LRMDA: variants seen among roughly 807,000 people sequenced by gnomAD.
LRMDA encodes leucine-rich melanocyte differentiation-associated protein.
In LRMDA, 18 loss-of-function variants were observed where a neutral mutation model predicts 29.8. The observed-to-expected ratio is 0.60, with a 90% CI of 0.42 to 0.90. The LOEUF (loss-of-function observed/expected upper bound fraction) is 0.90, where lower values mean the gene tolerates loss of function less well. LRMDA is among the 40% of genes least tolerant of loss of function. LRMDA has a pLI of 0.00. For synonymous variants in LRMDA, 125 were observed against 109.4 expected (o/e 1.14, Z -0.89); for missense variants, 273 against 273.9 (o/e 1.00, Z 0.02).
At chr10:75,716,674 G>C (rs1312600230) in intron 2 of LRMDA, among the ~76,000 whole-genome samples, 1 of 152,140 alleles carries the variant, frequency 6.6e-6, no homozygotes, top group Non-Finnish European at 1.5e-5. Flanking sequence ...GGGTTCGATG[G>C]TGCCACTTGG....
chr10:76,260,303 A>G (rs1210768263), intron 5 of LRMDA, among the ~76,000 whole-genome samples: 2 of 151,838 alleles, frequency 1.3e-5, no homozygotes, highest in Non-Finnish European at 2.9e-5. Flanking sequence ...CATTTTTTGC[A>G]TGTTTTCATG....
At chr10:75,863,546 A>C (rs1165962869) in intron 2 of LRMDA, among the ~76,000 whole-genome samples, 1 of 152,204 alleles carries the variant, frequency 6.6e-6, no homozygotes, top group Non-Finnish European at 1.5e-5. Flanking sequence ...GGCCTAGGTC[A>C]AGGTATTTAC....
At chr10:76,055,794 G>T (rs1848604971) in intron 4 of LRMDA, among the ~76,000 whole-genome samples, 1 of 152,238 alleles carries the variant, frequency 6.6e-6, no homozygotes, top group Non-Finnish European at 1.5e-5. Flanking sequence ...CAGGCACTGG[G>T]GAACGTGGTG....
At chr10:76,142,562 A>C (rs931267513) in intron 5 of LRMDA, among the ~76,000 whole-genome samples, 1 of 151,652 alleles carries the variant, frequency 6.6e-6, no homozygotes, top group Non-Finnish European at 1.5e-5. Context: ...ACATTGTGTT[A>C]CTAAACTTCA....
intron 2 of LRMDA, among the ~76,000 whole-genome samples, chr10:75,707,260 A>G (rs1842380836): frequency 6.6e-6 from 1 of 152,126 alleles, no homozygotes; most frequent in African/African-American, 2.4e-5. Flanking sequence ...AGATGGGGAG[A>G]AAAGAGAATG....
intron 5 of LRMDA, among the ~76,000 whole-genome samples, chr10:76,194,427 A>G (rs1247117118): frequency 6.6e-6 from 1 of 152,184 alleles, no homozygotes; most frequent in Non-Finnish European, 1.5e-5. Context: ...ATCCGGGTAC[A>G]CAAGGTAGGA....
intron 2 of LRMDA, among the ~76,000 whole-genome samples, chr10:75,798,637 T>G (rs138824525): frequency 1.3e-3 from 194 of 152,284 alleles, no homozygotes; most frequent in African/African-American, 4.4e-3. Context: ...TTGCGCTGCA[T>G]CCATGGATTA....
At chr10:76,152,988 C>A (rs1850473162) in intron 5 of LRMDA, among the ~76,000 whole-genome samples, 1 of 151,958 alleles carries the variant, frequency 6.6e-6, no homozygotes, top group African/African-American at 2.4e-5. Flanking sequence ...TTATAGGCAT[C>A]CGCCACCACG....
At chr10:75,848,036 T>A (rs1844670694) in intron 2 of LRMDA, among the ~76,000 whole-genome samples, 1 of 152,210 alleles carries the variant, frequency 6.6e-6, no homozygotes, top group South Asian at 2.1e-4. Flanking sequence ...AGAATTACCT[T>A]ATGATCTAGC....
intron 2 of LRMDA, among the ~76,000 whole-genome samples, chr10:75,881,403 C>T (rs1363662170): frequency 2.0e-5 from 3 of 152,118 alleles, no homozygotes; most frequent in Non-Finnish European, 4.4e-5. Flanking sequence ...ACGCTGACTT[C>T]CTAGAACTGA....
chr10:76,551,941 G>T (rs1322806895), intron 6 of LRMDA, among the ~76,000 whole-genome samples: 2 of 152,116 alleles, frequency 1.3e-5, no homozygotes, highest in Non-Finnish European at 2.9e-5. Context: ...GGAGTTCTGT[G>T]GGGGAACCCT....
chr10:75,665,982 A>C (rs1283800215), intron 2 of LRMDA, among the ~76,000 whole-genome samples: 1 of 152,172 alleles, frequency 6.6e-6, no homozygotes, highest in African/African-American at 2.4e-5. Context: ...TTCTTCTTTG[A>C]ACTGATACAA....
chr10:75,498,120 T>C (rs1357984410), intron 2 of LRMDA, among the ~76,000 whole-genome samples: 1 of 152,178 alleles, frequency 6.6e-6, no homozygotes, highest in Non-Finnish European at 1.5e-5. Context: ...TATGATGACG[T>C]CTCGTTGTGG....
At position 75,453,439 on chromosome 10, in the gene LRMDA, AG is replaced by A. The variant is rs560979900; in HGVS notation, c.131+14946del. ...AGTTGTGCTAATTGAAGCTAGCTTTAGTTTGTCCCCGTACTGCTAAAGAAAT... is the reference window on the plus strand; with the variant it reads ...AGTTGTGCTAATTGAAGCTAGCTTTATTTGTCCCCGTACTGCTAAAGAAAT... On this transcript the variant is annotated intron_variant, in intron 2 of 6. Transcript: ENST00000611255. Among the ~76,000 whole-genome samples, 317 of 152,282 alleles carry A rather than the reference AG, an allele frequency of 2.1e-3. 2 individuals carry two copies. The highest frequency in any genetic ancestry group is 7.3e-3 in the African/African-American group (302 of 41,570).
At chr10:76,052,821 C>T (rs570871817) in intron 4 of LRMDA, among the ~76,000 whole-genome samples, 21 of 152,228 alleles carry the variant, frequency 1.4e-4, no homozygotes, top group African/African-American at 4.8e-4. Context: ...GCACCTCTGA[C>T]TCTCACCCCC....
intron 2 of LRMDA, among the ~76,000 whole-genome samples, chr10:75,698,817 T>C (rs1318817200): frequency 6.6e-6 from 1 of 152,238 alleles, no homozygotes; most frequent in African/African-American, 2.4e-5. Flanking sequence ...AAAATCTTTC[T>C]ACAGAGGTTC....
chr10:75,864,044 GT>G (rs1342709531), intron 2 of LRMDA, among the ~76,000 whole-genome samples: 6 of 152,156 alleles, frequency 3.9e-5, no homozygotes, highest in African/African-American at 1.4e-4. Flanking sequence ...TGAACTAGAA[GT>G]CAATAGACAA....
intron 5 of LRMDA, among the ~76,000 whole-genome samples, chr10:76,283,580 A>G (rs1160830145): frequency 6.6e-6 from 1 of 152,214 alleles, no homozygotes; most frequent in Non-Finnish European, 1.5e-5. Context: ...TAATAACATA[A>G]TAATAACATC....
Position 75,482,701 on chromosome 10 carries a change from C to T in LRMDA, c.131+44207C>T, listed in dbSNP as rs148945577. Among the ~76,000 whole-genome samples the T allele has an allele frequency of 8.7e-3, 1,321 of 152,136 alleles. 15 individuals are homozygous for T. Among genetic ancestry groups the T allele is most frequent in the Middle Eastern group, 0.065 (19 of 294 alleles). On this transcript the variant is annotated intron_variant, in intron 2 of 6. Coordinates refer to ENST00000611255, the MANE Select transcript of LRMDA (RefSeq NM_001305581.2). ...TATCGTAGGAGTTTACTGGTTCTGGCGAAATCAGCCCACTGCCAGGGGTAT... is the reference window on the plus strand; with the variant it reads ...TATCGTAGGAGTTTACTGGTTCTGGTGAAATCAGCCCACTGCCAGGGGTAT...
Sources: gnomAD v4.1 joint callset for allele counts (sites outside exome capture counted in the v4.1 genomes callset) on GRCh38, gnomAD v4.1.1 for gene constraint, MANE v1.5 for transcripts, NCBI Gene and HGNC (gene_info 2026-07-23, HGNC 2026-07-21) for gene names.